Variants in RNF20 observed in about 807,000 individuals in gnomAD.
RNF20 encodes the protein E3 ubiquitin-protein ligase BRE1A.
RNF20 carries 84 observed loss-of-function variants against 126.2 expected under a neutral mutation model. That is an observed-to-expected ratio of 0.67 (90% confidence interval 0.56 to 0.80). The LOEUF is 0.80. Ranked by LOEUF, RNF20 falls within the 30% of genes least tolerant of loss-of-function variation. RNF20 has a pLI of 0.00. For missense variants in RNF20, 869 were observed against 1,188.2 expected, an observed-to-expected ratio of 0.73 and a Z score of 3.95; for synonymous variants, 400 against 414.3, an observed-to-expected ratio of 0.97 and a Z score of 0.42.
Position 101,550,617 on chromosome 9 carries a change from G to T in RNF20, c.1104G>T (p.Arg368=), listed in dbSNP as rs1827427115. The T allele has an allele frequency of 6.2e-7, 1 of 1,613,698 alleles. No homozygotes were observed. Among genetic ancestry groups the T allele is most frequent in the African/African-American group, 1.3e-5 (1 of 74,896 alleles). The change falls in exon 10 of 20, where the codon CGG becomes CGT. Residue 368 remains arginine, a synonymous_variant. Coordinates refer to ENST00000389120, the MANE Select transcript of RNF20 (RefSeq NM_019592.7). Reference sequence around the variant, plus strand: ...TGGGCCCTCCTAAGGTGGAATTGCGGAGTGCAGTGGAGCAAGTCGTTAAGG... The same window carrying T: ...TGGGCCCTCCTAAGGTGGAATTGCGTAGTGCAGTGGAGCAAGTCGTTAAGG... ...TQNEKLKVEL[R]SAVEQVVKET...
chr9:101,540,743 T>G, intron 4 of RNF20, 50 bp from the exon 5 acceptor site: 1 of 1,593,804 alleles, frequency 6.3e-7, no homozygotes, highest in Non-Finnish European at 8.5e-7. Flanking sequence ...ATTTTGTTAT[T>G]TCCAGTTTAT....
At chr9:101,544,654 C>T in intron 5 of RNF20, 113 bp from the exon 6 acceptor site, 2 of 660,028 alleles carry the variant, frequency 3.0e-6, no homozygotes, top group South Asian at 1.8e-5. Context: ...TTGCAGTGAG[C>T]CGAGATCGCG....
At chr9:101,551,932 C>G (rs1827453191) in intron 11 of RNF20, 113 bp downstream of exon 11, 2 of 1,328,404 alleles carry the variant, frequency 1.5e-6, no homozygotes, top group Admixed American at 4.7e-5. Flanking sequence ...TCATAAGTAC[C>G]TTAAATCCTA....
intron 1 of RNF20, 63 bp from the exon 2 acceptor site, chr9:101,535,335 G>T: frequency 7.3e-7 from 1 of 1,375,962 alleles, no homozygotes; most frequent in African/African-American, 1.5e-5. Context: ...TTACTCTATT[G>T]TTTTACTCTA....
At chr9:101,553,207 G>A (rs548560737) in intron 13 of RNF20, among the ~76,000 whole-genome samples, 3 of 152,052 alleles carry the variant, frequency 2.0e-5, no homozygotes, top group Non-Finnish European at 4.4e-5. Context: ...ATCTTTCTTA[G>A]GAGATTTACT....
chr9:101,549,929 A>T (rs1457063587), intron 9 of RNF20, among the ~76,000 whole-genome samples: 1 of 152,350 alleles, frequency 6.6e-6, no homozygotes, highest in Non-Finnish European at 1.5e-5. Context: ...TATATCTGGC[A>T]TAACTATTCT....
chr9:101,540,398 T>A, intron 3 of RNF20, 28 bp downstream of exon 3: 1 of 1,613,408 alleles, frequency 6.2e-7, no homozygotes, highest in Non-Finnish European at 8.5e-7. Context: ...TTGTTCAGAT[T>A]TTTATTTGAC....
intron 15 of RNF20, among the ~76,000 whole-genome samples, chr9:101,556,009 C>CTTTTTTTTTTTT (rs147788792): frequency 2.0e-5 from 3 of 147,852 alleles, no homozygotes; most frequent in Non-Finnish European, 3.0e-5. Flanking sequence ...GTAAATGCCA[C>CTTTTTTTTTTTT]TTTTTTTTTT....
chr9:101,546,689 C>A, intron 6 of RNF20, 131 bp from the exon 7 acceptor site: 2 of 788,056 alleles, frequency 2.5e-6, no homozygotes, highest in Non-Finnish European at 2.0e-6. Context: ...TTTTTGTAAT[C>A]ATGCATTGGG....
intron 10 of RNF20, among the ~76,000 whole-genome samples, chr9:101,551,465 T>G (rs190943924): frequency 1.3e-5 from 2 of 152,334 alleles, no homozygotes; most frequent in Non-Finnish European, 2.9e-5. Flanking sequence ...ATATACTGTT[T>G]TATAGTTTAG....
At chr9:101,541,104 G>A (rs1827253881) in intron 5 of RNF20, 129 bp downstream of exon 5, 2 of 641,552 alleles carry the variant, frequency 3.1e-6, no homozygotes, top group Non-Finnish European at 4.6e-6. Context: ...TAAGAGATAA[G>A]GTTTCACTGT....
At chr9:101,538,937 A>G (rs1827221995) in intron 2 of RNF20, among the ~76,000 whole-genome samples, 1 of 152,156 alleles carries the variant, frequency 6.6e-6, no homozygotes, top group Non-Finnish European at 1.5e-5. Context: ...CTGGAGAGAG[A>G]AAAATATTGA....
intron 5 of RNF20, among the ~76,000 whole-genome samples, chr9:101,542,777 G>A (rs970679777): frequency 6.6e-6 from 1 of 152,098 alleles, no homozygotes; most frequent in African/African-American, 2.4e-5. Flanking sequence ...TATATCAAAC[G>A]ACTTTAAAAT....
chr9:101,547,779 G>T lies in RNF20; in HGVS notation c.1092+261G>T, dbSNP rs75445152. 9.5e-3 allele frequency among the ~76,000 whole-genome samples: 1,446 copies of T among 152,276 alleles called. 12 individuals are homozygous for T. Among genetic ancestry groups the T allele is most frequent in the Admixed American group, 0.015 (227 of 15,298 alleles). On this transcript the variant is annotated intron_variant, in intron 9 of 19. Transcript: ENST00000389120. ...AGCTTTTCCTTTAAGATCAGGAACA[G>T]GATAAAGATGCTCGCTGTCATTACT...
Position 101,554,759 on chromosome 9 carries a change from G to A in RNF20, c.2085G>A (p.Met695Ile), listed in dbSNP as rs752086800. ...EDKEKKENKK[M>I]ADEDALRKIR... Reference sequence around the variant, plus strand: ...AAGAGAAGAAAGAGAACAAGAAAATGGCTGATGAGGATGCCTTGAGGAAGA... The same window carrying A: ...AAGAGAAGAAAGAGAACAAGAAAATAGCTGATGAGGATGCCTTGAGGAAGA... The change falls in exon 15 of 20, where the codon ATG (methionine) becomes ATA (isoleucine). Residue 695 changes from methionine (M) to isoleucine (I), a missense_variant. Met to Ile is a conservative substitution (Grantham distance 10). Coordinates refer to ENST00000389120, the MANE Select transcript of RNF20 (RefSeq NM_019592.7). 11 of 1,606,748 alleles carry A rather than the reference G, an allele frequency of 6.8e-6. No individual in the cohort carries two copies. The highest frequency in any genetic ancestry group is 8.5e-7 in the Non-Finnish European group (1 of 1,175,400).
At position 101,551,837 on chromosome 9, in the gene RNF20, C is replaced by T. The variant is rs771083034; in HGVS notation, c.1408+18C>T. The T allele has an allele frequency of 1.3e-6, 2 of 1,595,246 alleles. No homozygotes were observed. Among genetic ancestry groups the T allele is most frequent in the Admixed American group, 3.6e-5 (2 of 56,226 alleles). On this transcript the variant is annotated intron_variant, in intron 11 of 19. Transcript: ENST00000389120. ...ACAAGCAGGTATAATGATTCTCACT[C>T]CATGCTGTAGTTTGCTCTTAATACC...
chr9:101,560,754 T>C (rs746291661), intron 16 of RNF20, 47 bp from the exon 17 acceptor site: 1 of 1,552,694 alleles, frequency 6.4e-7, no homozygotes, highest in Non-Finnish European at 8.7e-7. Context: ...TTTTTTTTCT[T>C]TTTTTAATCT....
At chr9:101,540,715 T>C (rs1055728697) in intron 4 of RNF20, 78 bp downstream of exon 4, 9 of 1,589,954 alleles carry the variant, frequency 5.7e-6, no homozygotes, top group Admixed American at 5.5e-5. Flanking sequence ...GGCTTTCCAT[T>C]TGAGGGAAAA....
chr9:101,546,878 C>T lies in RNF20; in HGVS notation c.806C>T (p.Ser269Phe), dbSNP rs200933468. The change falls in exon 7 of 20, where the codon TCC becomes TTC. Residue 269 changes from serine to phenylalanine, a missense_variant. Around this residue, in one of 8 missense-constraint regions of RNF20, gnomAD observed 103 missense variants for 94.3 expected, o/e 1.09. Transcript: ENST00000389120. ...GAATCACGAGTGTCTGTCCTGGAGTCCATGATTGATGACCTGCAGTGGGAT... is the reference window on the plus strand; with the variant it reads ...GAATCACGAGTGTCTGTCCTGGAGTTCATGATTGATGACCTGCAGTGGGAT... ...TAESRVSVLESMIDDLQWDID... is the reference protein window; with the variant it reads ...TAESRVSVLEFMIDDLQWDID... The T allele has an allele frequency of 6.2e-6, 10 of 1,613,914 alleles. No individual in the cohort carries two copies. Among genetic ancestry groups the T allele is most frequent in the Non-Finnish European group, 8.5e-6 (10 of 1,179,976 alleles).
Sources: gnomAD v4.1 joint callset for allele counts (sites outside exome capture counted in the v4.1 genomes callset) on GRCh38, gnomAD v4.1.1 for gene constraint, gnomAD v4.1.1 regional missense constraint, MANE v1.5 for transcripts, NCBI Gene and HGNC (gene_info 2026-07-23, HGNC 2026-07-21) for gene names.